DOCK1: variants seen among roughly 807,000 people sequenced by gnomAD.
DOCK1 encodes the protein dedicator of cytokinesis 1, also known as dedicator of cytokinesis protein 1.
In DOCK1, 138 loss-of-function variants were observed where a neutral mutation model predicts 262.7. That is an observed-to-expected ratio of 0.53 (90% confidence interval 0.46 to 0.61). The LOEUF is 0.61. DOCK1 is among the 20% of genes least tolerant of loss of function. The pLI is 0.00. For missense variants in DOCK1, 1,908 were observed against 2,370.7 expected (o/e 0.80, Z 4.05); for synonymous variants, 866 against 867.4 (o/e 1.00, Z 0.03).
intron 12 of DOCK1, among the ~76,000 whole-genome samples, chr10:127,013,886 G>A (rs1397983796): frequency 1.3e-5 from 2 of 152,254 alleles, no homozygotes; most frequent in Non-Finnish European, 2.9e-5. Context: ...TGGCCAGTGA[G>A]GGCAGCCACA....
chr10:127,229,092 G>A (rs1001377671), intron 27 of DOCK1, among the ~76,000 whole-genome samples: 2 of 152,148 alleles, frequency 1.3e-5, no homozygotes, highest in African/African-American at 2.4e-5. Context: ...AAAATTAGCC[G>A]GGCGTGGTGG....
At chr10:127,403,494 T>C (rs187436163) in intron 39 of DOCK1, among the ~76,000 whole-genome samples, 1 of 152,218 alleles carries the variant, frequency 6.6e-6, no homozygotes, top group African/African-American at 2.4e-5. Context: ...GCGCACTGGC[T>C]CACGCCTGTA....
At chr10:126,961,413 C>T (rs1318374482) in intron 1 of DOCK1, among the ~76,000 whole-genome samples, 6 of 152,108 alleles carry the variant, frequency 3.9e-5, no homozygotes, top group African/African-American at 9.7e-5. Flanking sequence ...CATAGAGAAG[C>T]GCTGTCTCTA....
At chr10:127,173,047 C>A (rs573516037) in intron 27 of DOCK1, among the ~76,000 whole-genome samples, 13 of 152,158 alleles carry the variant, frequency 8.5e-5, no homozygotes, top group African/African-American at 3.1e-4. Context: ...TGTGTGGCAG[C>A]CTGTGTGCCG....
At chr10:127,252,156 A>G (rs1456718863) in intron 28 of DOCK1, among the ~76,000 whole-genome samples, 1 of 141,198 alleles carries the variant, frequency 7.1e-6, no homozygotes, top group African/African-American at 2.5e-5. Context: ...GCATTTTTTC[A>G]TGTGTTTTTT....
At chr10:126,968,760 T>C (rs1425946497) in intron 1 of DOCK1, among the ~76,000 whole-genome samples, 2 of 152,220 alleles carry the variant, frequency 1.3e-5, no homozygotes, top group Non-Finnish European at 1.5e-5. Context: ...AATACGGTCA[T>C]GCTGAGCTGG....
intron 25 of DOCK1, among the ~76,000 whole-genome samples, chr10:127,116,671 T>C (rs1288201751): frequency 6.6e-6 from 1 of 152,226 alleles, no homozygotes; most frequent in Non-Finnish European, 1.5e-5. Flanking sequence ...ATAAAATCTC[T>C]TGAGCTTTAC....
At chr10:126,963,529 C>T (rs1392659877) in intron 1 of DOCK1, among the ~76,000 whole-genome samples, 1 of 151,070 alleles carries the variant, frequency 6.6e-6, no homozygotes, top group African/African-American at 2.4e-5. Context: ...CCTTCCCTCT[C>T]TTCCCTCCCT....
chr10:127,451,202 G>A (rs1426931972), intron 51 of DOCK1, 130 bp from the exon 52 acceptor site: 4 of 1,022,630 alleles, frequency 3.9e-6, no homozygotes, highest in Middle Eastern at 3.1e-4. Context: ...CGGACAGGAT[G>A]GAGCCCAACT....
In DOCK1 at chr10:126,996,766, G is replaced by A. The variant is rs1383513425; in HGVS notation, c.492G>A (p.Leu164=). 6.2e-7 allele frequency: 1 copy of A among 1,611,298 alleles called. No homozygotes were observed. Among genetic ancestry groups the A allele is most frequent in the Non-Finnish European group, 8.5e-7 (1 of 1,179,088 alleles). Residue 164 remains leucine, a synonymous_variant, in exon 7 of 52, where the codon CTG becomes CTA. Coordinates refer to ENST00000623213, the MANE Select transcript of DOCK1 (RefSeq NM_001290223.2). ...DYGNRILDLD[L]VVRDEDGNIL... ...GTTCTAGAATTCTAGATTTGGACCTGGTGGTTAGAGATGAAGATGGGAATA... is the reference window on the plus strand; with the variant it reads ...GTTCTAGAATTCTAGATTTGGACCTAGTGGTTAGAGATGAAGATGGGAATA...
intron 13 of DOCK1, among the ~76,000 whole-genome samples, chr10:127,019,399 G>A (rs1049541435): frequency 2.3e-4 from 35 of 152,168 alleles, no homozygotes; most frequent in Admixed American, 2.3e-3. Flanking sequence ...ATCTTTGGAA[G>A]CATGTTAATT....
At chr10:127,102,669 G>A (rs1270682981) in intron 23 of DOCK1, among the ~76,000 whole-genome samples, 2 of 152,086 alleles carry the variant, frequency 1.3e-5, no homozygotes, top group Non-Finnish European at 1.5e-5. Context: ...GCGAAACCTC[G>A]TCTCTACTAA....
At chr10:127,214,268 C>T (rs552683091) in intron 27 of DOCK1, among the ~76,000 whole-genome samples, 1 of 152,268 alleles carries the variant, frequency 6.6e-6, no homozygotes, top group South Asian at 2.1e-4. Context: ...TGAGTAGCTC[C>T]CCCCGCCCAG....
intron 23 of DOCK1, among the ~76,000 whole-genome samples, chr10:127,094,263 C>T (rs1167302773): frequency 6.6e-6 from 1 of 152,150 alleles, no homozygotes; most frequent in East Asian, 1.9e-4. Context: ...GATTAAATTT[C>T]AACTTGAATT....
intron 24 of DOCK1, 148 bp downstream of exon 24, chr10:127,106,449 G>T: frequency 2.6e-6 from 2 of 763,284 alleles, no homozygotes; most frequent in Non-Finnish European, 4.2e-6. Context: ...TGCTGGTGGT[G>T]TCTGTGACTC....
intron 23 of DOCK1, among the ~76,000 whole-genome samples, chr10:127,093,634 G>A (rs1321915549): frequency 4.6e-5 from 7 of 151,864 alleles, no homozygotes; most frequent in Admixed American, 4.6e-4. Flanking sequence ...GATTACAGGT[G>A]TGAGCCATCG....
At position 126,998,369 on chromosome 10, in the gene DOCK1, G is replaced by A. The variant is rs1283355133; in HGVS notation, c.767+120G>A. 82 of 1,358,360 alleles carry A rather than the reference G, an allele frequency of 6.0e-5. 1 individual carries two copies. The highest frequency in any genetic ancestry group is 4.1e-4 in the South Asian group (31 of 75,150). The allele number at this position is 1,358,360 out of a possible 1,614,324, so 84.1% of individuals were successfully genotyped here. A position where few individuals can be genotyped will look rare whatever the true frequency, so the allele number is the denominator to read the frequency against. On this transcript the variant is annotated intron_variant, in intron 8 of 51. Transcript: ENST00000623213. ...CCTTGGATGAATGGCTGCTGGACAC[G>A]AGCAAGCAGCCGAGTCAAGAGCTGT...
At chr10:127,082,891 A>G (rs932224703) in intron 23 of DOCK1, among the ~76,000 whole-genome samples, 6 of 152,260 alleles carry the variant, frequency 3.9e-5, no homozygotes, top group Admixed American at 2.0e-4. Context: ...TTTCCTGGCC[A>G]TGCTGTGCTT....
At chr10:127,365,599 T>C (rs140349789) in intron 33 of DOCK1, among the ~76,000 whole-genome samples, 2,304 of 152,244 alleles carry the variant, frequency 0.015, 35 homozygotes, top group South Asian at 0.022. Context: ...AAAACTAAGG[T>C]CAAAAGTGTT....
Sources: gnomAD v4.1 joint callset for allele counts (sites outside exome capture counted in the v4.1 genomes callset) on GRCh38, gnomAD v4.1.1 for gene constraint, MANE v1.5 for transcripts, NCBI Gene and HGNC (gene_info 2026-07-23, HGNC 2026-07-21) for gene names.